The following NTN5 variants were observed in gnomAD, a reference collection of about 807,000 sequenced individuals.
NTN5 encodes the protein netrin-5.
NTN5 carries 42 observed loss-of-function variants against 38.7 expected under a neutral mutation model. The ratio of observed to expected loss-of-function variants is 1.08; its 90% CI spans 0.85 to 1.40. The LOEUF (loss-of-function observed/expected upper bound fraction) is 1.40, where lower values mean the gene tolerates loss of function less well. Ranked by LOEUF, NTN5 falls within the 40% of genes most tolerant of loss-of-function variation. NTN5 has a pLI of 0.00. For synonymous variants in NTN5, 329 were observed against 303.9 expected (o/e 1.08, Z -0.86); for missense variants, 658 against 716.5 (o/e 0.92, Z 0.93).
intron 2 of NTN5, chr19:48,667,255 A>T (rs887504124): frequency 1.1e-4 from 19 of 176,884 alleles, no homozygotes; most frequent in Middle Eastern, 9.9e-4. Flanking sequence ...GCAGACCAGG[A>T]TGTCTGTGAA....
chr19:48,670,229 T>G (rs1270079512), intron 2 of NTN5, 127 bp downstream of exon 2: 3 of 1,020,050 alleles, frequency 2.9e-6, no homozygotes, highest in Non-Finnish European at 4.0e-6. Flanking sequence ...GGACCGAGTC[T>G]GAGACTGGGG....
chr19:48,661,561 G>C lies in NTN5; in HGVS notation c.*116C>G, dbSNP rs747682529. 2 of 1,235,522 alleles carry C rather than the reference G, an allele frequency of 1.6e-6. No homozygotes were observed. Among genetic ancestry groups the C allele is most frequent in the Admixed American group, 3.8e-5 (1 of 26,538 alleles). 76.5% of individuals were successfully genotyped at this position (1,235,522 alleles called of 1,614,324 possible). ...TCGGCGTGGGCGCAAGCATAGTGTC[G>C]TCGGGGCTCTGCGACGTCTGATTGG... is the stretch of plus-strand genomic sequence containing the variant. On this transcript the variant is annotated 3_prime_UTR_variant, in exon 7 of 7. Transcript: ENST00000270235.
rs1195138039 is a variant in NTN5, at chr19:48,661,704, G to T, written c.1443C>A (p.Pro481=). ...RAGGCRGVRA[P]TPSPRPEH Reference sequence around the variant, plus strand: ...AGTGCTCCGGCCTGGGACTGGGTGTGGGTGCCCGCACGCCGCGGCAGCCTC... The same window carrying T: ...AGTGCTCCGGCCTGGGACTGGGTGTTGGTGCCCGCACGCCGCGGCAGCCTC... Residue 481 remains proline (P), a synonymous_variant, in exon 7 of 7, where the codon CCC becomes CCA. Transcript: ENST00000270235. 6.4e-7 allele frequency: 1 copy of T among 1,557,536 alleles called. No homozygotes were observed. The highest frequency in any genetic ancestry group is 1.1e-5 in the South Asian group (1 of 87,370).
rs767288192 is a variant in NTN5, at chr19:48,664,699, G to A, written c.700C>T (p.Arg234Trp). 32 of 1,605,728 alleles carry A rather than the reference G, an allele frequency of 2.0e-5. No homozygotes were observed. Among genetic ancestry groups the A allele is most frequent in the Admixed American group, 5.1e-5 (3 of 58,946 alleles). The stretch of plus-strand genomic sequence containing the variant: ...CACCGCTCACAAACACCCCCACTCC[G>A]GCCGCCCGACAGTCTGAACAGCTCA... The part of the protein sequence containing the change: ...NSELFRLSGG[R>W]SGGVCERCRH... The change falls in exon 3 of 7, where the codon CGG becomes TGG. Residue 234 changes from arginine (R) to tryptophan (W), a missense_variant. Coordinates refer to ENST00000270235, the MANE Select transcript of NTN5 (RefSeq NM_145807.4).
intron 2 of NTN5, among the ~76,000 whole-genome samples, chr19:48,669,730 C>T (rs796713002): frequency 9.5e-5 from 9 of 95,238 alleles, no homozygotes; most frequent in Admixed American, 2.1e-4. Context: ...ACCACCACCA[C>T]CATCACCATC....
chr19:48,663,710 C>A (rs751503690), intron 5 of NTN5, 51 bp downstream of exon 5: 3 of 1,582,264 alleles, frequency 1.9e-6, no homozygotes, highest in Admixed American at 3.3e-5. Flanking sequence ...CCAGTCAGCC[C>A]ATCCTCATTC....
chr19:48,667,937 C>T (rs1018794158), intron 2 of NTN5, among the ~76,000 whole-genome samples: 2 of 151,420 alleles, frequency 1.3e-5, no homozygotes, highest in African/African-American at 4.8e-5. Flanking sequence ...CACTTGCACA[C>T]GTGTGTATAT....
chr19:48,668,122 G>A (rs78793203), intron 2 of NTN5, among the ~76,000 whole-genome samples: 3 of 152,144 alleles, frequency 2.0e-5, no homozygotes, highest in Non-Finnish European at 4.4e-5. Context: ...GGGAAAGAGG[G>A]CATCGCATGG....
At chr19:48,666,347 C>G (rs748449912) in intron 2 of NTN5, among the ~76,000 whole-genome samples, 2 of 152,088 alleles carry the variant, frequency 1.3e-5, no homozygotes, top group Non-Finnish European at 2.9e-5. Context: ...ATCAGAATTA[C>G]CAGGGAAATG....
chr19:48,669,766 C>T (rs2031874378), intron 2 of NTN5, among the ~76,000 whole-genome samples: 2 of 112,456 alleles, frequency 1.8e-5, no homozygotes, highest in African/African-American at 3.4e-5. Flanking sequence ...ATCGTCACCA[C>T]TACCATCACC....
In NTN5 at chr19:48,661,651, G is replaced by A. The variant is rs776588151; in HGVS notation, c.*26C>T. Reference sequence around the variant, plus strand: ...TAGTCGCTCCCAAATTACTTTGTTGGTGCTCGAGGCAGCCCCATCTCACGT... The same window carrying A: ...TAGTCGCTCCCAAATTACTTTGTTGATGCTCGAGGCAGCCCCATCTCACGT... On this transcript the variant is annotated 3_prime_UTR_variant, in exon 7 of 7. Coordinates refer to ENST00000270235, the MANE Select transcript of NTN5 (RefSeq NM_145807.4). 1.3e-6 allele frequency: 2 copies of A among 1,510,114 alleles called. No homozygotes were observed. The allele number at this position is 1,510,114 out of a possible 1,614,324, so 93.5% of individuals were successfully genotyped here.
At chr19:48,665,038 A>G (rs1032587750) in intron 2 of NTN5, among the ~76,000 whole-genome samples, 5 of 150,602 alleles carry the variant, frequency 3.3e-5, no homozygotes, top group Non-Finnish European at 7.4e-5. Flanking sequence ...TCAGCCTCCC[A>G]AGTAGCTGGA....
At chr19:48,669,715 TCACCACCACCAC>T (rs1160000937) in intron 2 of NTN5, among the ~76,000 whole-genome samples, 1 of 40,214 alleles carries the variant, frequency 2.5e-5, no homozygotes, top group African/African-American at 1.0e-4. Flanking sequence ...ATCACCACCA[TCACCACCACCAC>T]CACCATCACC....
intron 2 of NTN5, among the ~76,000 whole-genome samples, chr19:48,666,266 T>A (rs2031701654): frequency 6.6e-6 from 1 of 152,198 alleles, no homozygotes; most frequent in Non-Finnish European, 1.5e-5. Flanking sequence ...CCCGTGAGGA[T>A]TATTTAGCAT....
Position 48,663,878 on chromosome 19 carries a change from C to T in NTN5, c.971-64G>A, listed in dbSNP as rs902986497. ...CCCCCAGGATCCCCTCGCCCCTGCC[C>T]CGGGAATCCAGGCACCCAAACTCTT... On this transcript the variant is annotated intron_variant, in intron 4 of 6. Transcript: ENST00000270235. The T allele has an allele frequency of 1.1e-5, 16 of 1,519,480 alleles. No homozygotes were observed. The African/African-American group carries it at 1.5e-4, about 14-fold the overall frequency. The allele number at this position is 1,519,480 out of a possible 1,614,324, so 94.1% of individuals were successfully genotyped here. A position where few individuals can be genotyped will look rare whatever the true frequency, so the allele number is the denominator to read the frequency against.
At chr19:48,669,880 T>TCACCATCACCACC (rs2031890201) in intron 2 of NTN5, among the ~76,000 whole-genome samples, 1 of 17,818 alleles carries the variant, frequency 5.6e-5, no homozygotes, top group Admixed American at 4.7e-4. Context: ...TCATCACCAC[T>TCACCATCACCACC]ACCATCACCA....
chr19:48,672,548 C>G (rs1156378163), intron 1 of NTN5, among the ~76,000 whole-genome samples: 1 of 152,220 alleles, frequency 6.6e-6, no homozygotes, highest in Admixed American at 6.5e-5. Flanking sequence ...CTCCGCCCTC[C>G]CAAGGAGCCT....
chr19:48,661,699 G>A lies in NTN5; in HGVS notation c.1448C>T (p.Pro483Leu). ...GGCRGVRAPT[P>L]SPRPEH ...CGTCTAGTGCTCCGGCCTGGGACTG[G>A]GTGTGGGTGCCCGCACGCCGCGGCA... The change falls in exon 7 of 7, where the codon CCC becomes CTC. Residue 483 changes from proline (P) to leucine (L), a missense_variant. Pro to Leu is a moderately conservative substitution (Grantham distance 98). Coordinates refer to ENST00000270235, the MANE Select transcript of NTN5 (RefSeq NM_145807.4). 1 of 1,556,802 alleles carries A rather than the reference G, an allele frequency of 6.4e-7. No individual in the cohort carries two copies. The highest frequency in any genetic ancestry group is 8.6e-7 in the Non-Finnish European group (1 of 1,161,288).
In NTN5 at chr19:48,664,695, C is replaced by T. The variant is rs751183242; in HGVS notation, c.704G>A (p.Ser235Asn). The T allele has an allele frequency of 5.0e-6, 8 of 1,606,920 alleles. No homozygotes were observed. The highest frequency in any genetic ancestry group is 1.3e-5 in the African/African-American group (1 of 74,772). ...SELFRLSGGR[S>N]GGVCERCRHH... ...GCGGCACCGCTCACAAACACCCCCA[C>T]TCCGGCCGCCCGACAGTCTGAACAG... Residue 235 changes from serine to asparagine, a missense_variant, in exon 3 of 7, where the codon AGT becomes AAT. By Grantham distance (46) the Ser-to-Asn change is conservative. Transcript: ENST00000270235.
Sources: allele counts gnomAD v4.1 joint callset (sites outside exome capture counted in the v4.1 genomes callset), GRCh38; gene constraint gnomAD v4.1.1; transcripts MANE v1.5; gene names NCBI Gene and HGNC (gene_info 2026-07-23, HGNC 2026-07-21).